CFAP20: variants seen among roughly 807,000 people sequenced by gnomAD.
The protein encoded by CFAP20 is cilia and flagella associated protein 20.
CFAP20 carries 14 observed loss-of-function variants against 25.5 expected under a neutral mutation model. The ratio of observed to expected loss-of-function variants is 0.55; its 90% CI spans 0.36 to 0.86. The LOEUF (loss-of-function observed/expected upper bound fraction) is 0.86. Among genes scored for constraint, CFAP20 ranks in the 40% least tolerant of loss-of-function variants. The pLI is 0.01. For synonymous variants in CFAP20, 75 were observed against 91.1 expected (o/e 0.82, Z 1.01); for missense variants, 181 against 248.0 (o/e 0.73, Z 1.81).
chr16:58,114,794 G>C lies in CFAP20; in HGVS notation c.576+16C>G. The C allele has an allele frequency of 6.3e-7, 1 of 1,593,478 alleles. No homozygotes were observed. Among genetic ancestry groups the C allele is most frequent in the Non-Finnish European group, 8.6e-7 (1 of 1,161,392 alleles). On this transcript the variant is annotated intron_variant, in intron 5 of 5. Transcript: ENST00000262498. ...CCACTCACTGGTGGACCTTCCTCTGGGGAAGACTGGCTTACCTTTGCCTTG... is the reference window on the plus strand; with the variant it reads ...CCACTCACTGGTGGACCTTCCTCTGCGGAAGACTGGCTTACCTTTGCCTTG...
chr16:58,122,616 C>A (rs1162882809), intron 1 of CFAP20, among the ~76,000 whole-genome samples: 1 of 152,068 alleles, frequency 6.6e-6, no homozygotes, highest in Non-Finnish European at 1.5e-5. Flanking sequence ...AAAACCATGT[C>A]TTCGTTCAAT....
chr16:58,122,038 G>A (rs934516811), intron 1 of CFAP20, among the ~76,000 whole-genome samples: 1 of 152,216 alleles, frequency 6.6e-6, no homozygotes, highest in African/African-American at 2.4e-5. Flanking sequence ...CAGCAGGAAA[G>A]TTCCTGCACT....
intron 3 of CFAP20, chr16:58,115,767 A>G (rs1445406321): frequency 3.9e-6 from 2 of 517,956 alleles, no homozygotes; most frequent in Non-Finnish European, 3.4e-6. Flanking sequence ...ACAGCCACCC[A>G]CTATTAAATA....
intron 1 of CFAP20, among the ~76,000 whole-genome samples, chr16:58,123,656 C>T (rs1456666114): frequency 1.7e-5 from 2 of 115,462 alleles, no homozygotes; most frequent in Non-Finnish European, 3.7e-5. Flanking sequence ...ATGTTTTACA[C>T]AAGTATAAGT....
At chr16:58,122,627 T>A (rs1483034989) in intron 1 of CFAP20, among the ~76,000 whole-genome samples, 1 of 152,130 alleles carries the variant, frequency 6.6e-6, no homozygotes, top group Non-Finnish European at 1.5e-5. Context: ...TTCGTTCAAT[T>A]ACAGTAAAAC....
At chr16:58,116,001 G>A (rs768774349) in intron 3 of CFAP20, 40 bp downstream of exon 3, 1 of 1,412,368 alleles carries the variant, frequency 7.1e-7, no homozygotes, top group East Asian at 2.3e-5. Flanking sequence ...TATCACTTTG[G>A]TATAGCCAAG....
In CFAP20 at chr16:58,113,709, C is replaced by A. The variant is rs1960413983; in HGVS notation, c.*316G>T. ...ATAAACCGCAGGAAGAAATATTGGT[C>A]TGGAATTCCTTATGGGCCATCTTTA... On this transcript the variant is annotated 3_prime_UTR_variant, in exon 6 of 6. Coordinates refer to ENST00000262498, the MANE Select transcript of CFAP20 (RefSeq NM_013242.3). The A allele has an allele frequency of 3.1e-6, 1 of 321,062 alleles. No homozygotes were observed. The highest frequency in any genetic ancestry group is 5.8e-6 in the Non-Finnish European group (1 of 171,664). The allele number at this position is 321,062 out of a possible 1,614,324, so 19.9% of individuals were successfully genotyped here.
rs1960541228 is a variant in CFAP20, at chr16:58,122,096, C to T, written c.85-5145G>A. ...ACAGAAATTAGGCAGAGGGAGACCC[C>T]TGTGGGGAGAACTGAGCATAGCTCC... On this transcript the variant is annotated intron_variant, in intron 1 of 5. Transcript: ENST00000262498. Among the ~76,000 whole-genome samples, 3 of 152,322 alleles carry T rather than the reference C, an allele frequency of 2.0e-5. 1 individual carries two copies. In the Middle Eastern group the frequency reaches 0.01, roughly 518 times the overall value.
rs564005031 is a variant in CFAP20 at position 58,113,773 on chromosome 16, T to G, written c.*252A>C. ...ATGGTAAAGGTATCTCCCCCCACAC[T>G]GGGGCAGGCGGCGGAATAAGCTCCA... is the stretch of plus-strand genomic sequence containing the variant. On this transcript the variant is annotated 3_prime_UTR_variant, in exon 6 of 6. Coordinates refer to ENST00000262498, the MANE Select transcript of CFAP20 (RefSeq NM_013242.3). 1.1e-3 allele frequency: 540 copies of G among 505,812 alleles called. 2 individuals are homozygous for G. Among genetic ancestry groups the G allele is most frequent in the Non-Finnish European group, 1.8e-3 (497 of 279,890 alleles). The allele number at this position is 505,812 out of a possible 1,614,324, so 31.3% of individuals were successfully genotyped here.
chr16:58,116,268 GA>G, intron 2 of CFAP20, 116 bp from the exon 3 acceptor site: 2 of 685,138 alleles, frequency 2.9e-6, no homozygotes, highest in Non-Finnish European at 4.8e-6. Flanking sequence ...AAAAGATTCA[GA>G]CACGCCACCC....
Position 58,120,766 on chromosome 16 carries a change from AAGGGAACTTGG to A in CFAP20, c.85-3826_85-3816del, listed in dbSNP as rs567822221. Reference sequence around the variant, plus strand: ...AATGAATGAATGTATTCCACAAAACAAGGGAACTTGGAGGGGTCAAGGCAACTTTGTTGAAG... The same window carrying A: ...AATGAATGAATGTATTCCACAAAACAAGGGGTCAAGGCAACTTTGTTGAAG... On this transcript the variant is annotated intron_variant, in intron 1 of 5. Coordinates refer to ENST00000262498, the MANE Select transcript of CFAP20 (RefSeq NM_013242.3). Among the ~76,000 whole-genome samples the A allele has an allele frequency of 2.1e-4, 32 of 152,368 alleles. No homozygotes were observed. The South Asian group carries it at 3.9e-3, about 19-fold the overall frequency.
chr16:58,119,300 G>A (rs550724933), intron 1 of CFAP20: 4 of 152,314 alleles, frequency 2.6e-5, no homozygotes, highest in African/African-American at 7.2e-5. Context: ...CAGTTATGAA[G>A]CATCATTTCT....
At chr16:58,126,888 T>C (rs1258648507) in intron 1 of CFAP20, among the ~76,000 whole-genome samples, 2 of 152,246 alleles carry the variant, frequency 1.3e-5, no homozygotes, top group African/African-American at 4.8e-5. Context: ...CTTTCCTTTT[T>C]CTTCTCTTTC....
chr16:58,114,356 C>T (rs976111694), intron 5 of CFAP20, among the ~76,000 whole-genome samples: 1 of 151,920 alleles, frequency 6.6e-6, no homozygotes, highest in Non-Finnish European at 1.5e-5. Flanking sequence ...GGTGAAACCC[C>T]GTCTCTATAA....
intron 1 of CFAP20, among the ~76,000 whole-genome samples, chr16:58,123,403 T>C (rs1000453905): frequency 1.1e-4 from 16 of 148,528 alleles, no homozygotes; most frequent in Non-Finnish European, 1.6e-4. Context: ...GAGACCATCC[T>C]GGCTAACACG....
At chr16:58,124,803 T>A (rs922073504) in intron 1 of CFAP20, among the ~76,000 whole-genome samples, 5 of 152,208 alleles carry the variant, frequency 3.3e-5, no homozygotes, top group African/African-American at 9.7e-5. Flanking sequence ...CTACAATACA[T>A]TTATTTTATT....
Position 58,113,845 on chromosome 16 carries a change from A to G in CFAP20, c.*180T>C. ...GACTGCTTACCCCCACTGCACTTAC[A>G]ATGCAGTCACAGAGTTACGGCATGT... On this transcript the variant is annotated 3_prime_UTR_variant, in exon 6 of 6. Coordinates refer to ENST00000262498, the MANE Select transcript of CFAP20 (RefSeq NM_013242.3). 2 of 692,250 alleles carry G rather than the reference A, an allele frequency of 2.9e-6. No homozygotes were observed. The highest frequency in any genetic ancestry group is 3.5e-5 in the South Asian group (2 of 57,466). 42.9% of individuals were successfully genotyped at this position (692,250 alleles called of 1,614,324 possible). A position where few individuals can be genotyped will look rare whatever the true frequency, so the allele number is the denominator to read the frequency against.
chr16:58,115,638 T>G (rs1263017953), intron 3 of CFAP20, 181 bp from the exon 4 acceptor site: 1 of 675,468 alleles, frequency 1.5e-6, no homozygotes, highest in East Asian at 2.7e-5. Context: ...AGCAAGTTTA[T>G]CTTGTTTGTT....
intron 1 of CFAP20, among the ~76,000 whole-genome samples, chr16:58,118,245 C>T (rs1276586831): frequency 6.6e-6 from 1 of 152,088 alleles, no homozygotes; most frequent in Non-Finnish European, 1.5e-5. Context: ...TTTGGGAGGC[C>T]AAGGCAGGAG....
Sources: allele counts gnomAD v4.1 joint callset (sites outside exome capture counted in the v4.1 genomes callset), GRCh38; gene constraint gnomAD v4.1.1; transcripts MANE v1.5; gene names NCBI Gene and HGNC (gene_info 2026-07-23, HGNC 2026-07-21).